ZFYVE28: variants seen among roughly 807,000 people sequenced by gnomAD.
ZFYVE28 encodes lateral signaling target protein 2 homolog.
ZFYVE28 carries 40 observed loss-of-function variants against 82.1 expected under a neutral mutation model. That is an observed-to-expected ratio of 0.49 (90% CI 0.38 to 0.63). The LOEUF (loss-of-function observed/expected upper bound fraction) is 0.63, where lower values mean the gene tolerates loss of function less well. ZFYVE28 is among the 30% of genes least tolerant of loss of function. The pLI, the probability that ZFYVE28 is intolerant of heterozygous loss-of-function variation, is 0.00. For missense variants in ZFYVE28, 1,321 were observed against 1,242.1 expected, an observed-to-expected ratio of 1.06 and a Z score of -0.96; for synonymous variants, 612 against 546.1, an observed-to-expected ratio of 1.12 and a Z score of -1.68.
rs187241152 is a variant in ZFYVE28 at position 2,409,841 on chromosome 4, C to A, written c.39+8444G>T. On this transcript the variant is annotated intron_variant, in intron 1 of 12. Coordinates refer to ENST00000290974, the MANE Select transcript of ZFYVE28 (RefSeq NM_020972.3). This position sits in a 1 kb window ranked among gnomAD's most constrained non-coding sequence, Gnocchi z 4.4. ...CCCAGGACAAGGGCCCTGCCAGCAG[C>A]ACAGGGTGGGAGGAGAGGCTGGGCT... Among the ~76,000 whole-genome samples the A allele has an allele frequency of 9.2e-5, 14 of 152,334 alleles. No individual in the cohort carries two copies. The highest frequency in any genetic ancestry group is 1.5e-5 in the Non-Finnish European group (1 of 68,034).
intron 8 of ZFYVE28, among the ~76,000 whole-genome samples, chr4:2,283,210 A>G (rs917730881): frequency 1.3e-5 from 2 of 150,610 alleles, no homozygotes; most frequent in Admixed American, 6.6e-5. Context: ...CCATGCATCC[A>G]TCCATCCATC....
In ZFYVE28 at chr4:2,300,291, A is replaced by C. The variant is rs13134302; in HGVS notation, c.2051+3998T>G. Among the ~76,000 whole-genome samples, 51,767 of 152,118 alleles carry C rather than the reference A, an allele frequency of 0.34. 10,289 individuals are homozygous for C. The highest frequency in any genetic ancestry group is 0.43 in the Non-Finnish European group (29,345 of 67,982). On this transcript the variant is annotated intron_variant, in intron 8 of 12. Coordinates refer to ENST00000290974, the MANE Select transcript of ZFYVE28 (RefSeq NM_020972.3). The surrounding 1 kb of genome is among the most constrained non-coding windows in gnomAD (Gnocchi z 4.6). ...CAAGTAACTTCCAAGGGTGACTTCG[A>C]GAGGACGGAAGGTTCTGGATCAAAG...
chr4:2,348,070 CA>C (rs1470088305), intron 2 of ZFYVE28, among the ~76,000 whole-genome samples: 1 of 152,032 alleles, frequency 6.6e-6, no homozygotes, highest in Admixed American at 6.6e-5. Flanking sequence ...AAAACTCTAT[CA>C]ACACAGTTCA....
intron 1 of ZFYVE28, among the ~76,000 whole-genome samples, chr4:2,357,875 C>T (rs1198409436): frequency 6.6e-6 from 1 of 152,204 alleles, no homozygotes; most frequent in Admixed American, 6.5e-5. Flanking sequence ...GCACCAAAAA[C>T]CTCACAACAC....
intron 1 of ZFYVE28, among the ~76,000 whole-genome samples, chr4:2,359,491 A>G (rs1340648768): frequency 6.6e-6 from 1 of 152,172 alleles, no homozygotes; most frequent in Non-Finnish European, 1.5e-5. Context: ...CCCTAATCCA[A>G]TATACCTGGT....
chr4:2,304,755 A>G lies in ZFYVE28; in HGVS notation c.1585T>C (p.Ser529Pro). The G allele has an allele frequency of 6.2e-7, 1 of 1,612,652 alleles. No individual in the cohort carries two copies. Residue 529 changes from serine (S) to proline (P), a missense_variant, in exon 8 of 13, where the codon TCT becomes CCT. Physicochemically the swap from Ser to Pro is moderately conservative, Grantham distance 74. Coordinates refer to ENST00000290974, the MANE Select transcript of ZFYVE28 (RefSeq NM_020972.3). ...GCGGCCTCCTGGGTGGCGACCGCAGAGTCCAGGGAAGTGGGCGATTTGGGG... is the reference window on the plus strand; with the variant it reads ...GCGGCCTCCTGGGTGGCGACCGCAGGGTCCAGGGAAGTGGGCGATTTGGGG... Reference protein sequence around the residue: ...FNPKSPTSLDSAVATQEAASE... With the variant: ...FNPKSPTSLDPAVATQEAASE...
chr4:2,297,295 C>T (rs1464557654), intron 8 of ZFYVE28, among the ~76,000 whole-genome samples: 3 of 152,214 alleles, frequency 2.0e-5, no homozygotes, highest in Non-Finnish European at 4.4e-5. Flanking sequence ...GGCAGAGGGT[C>T]AGCAGGCCCG....
intron 1 of ZFYVE28, among the ~76,000 whole-genome samples, chr4:2,414,230 C>T (rs566243085): frequency 6.6e-6 from 1 of 152,264 alleles, no homozygotes; most frequent in African/African-American, 2.4e-5. Context: ...AGCCGAAGGG[C>T]AGGAAGTCCC....
intron 1 of ZFYVE28, among the ~76,000 whole-genome samples, chr4:2,355,203 T>A (rs1343008257): frequency 8.8e-3 from 8 of 912 alleles, no homozygotes; most frequent in Admixed American, 0.017. Flanking sequence ...CTTGAAAATA[T>A]ATATATATAT....
At chr4:2,404,860 T>TC (rs1553867226) in intron 1 of ZFYVE28, among the ~76,000 whole-genome samples, 2,545 of 140,876 alleles carry the variant, frequency 0.018, 25 homozygotes, top group Non-Finnish European at 0.024. Context: ...TCTCGCTCTT[T>TC]TTTTTTTTTT....
At chr4:2,405,007 T>C (rs1039680989) in intron 1 of ZFYVE28, among the ~76,000 whole-genome samples, 2 of 152,116 alleles carry the variant, frequency 1.3e-5, no homozygotes, top group African/African-American at 2.4e-5. Flanking sequence ...GCTGGGATTA[T>C]AGGCGTAGGC....
intron 1 of ZFYVE28, among the ~76,000 whole-genome samples, chr4:2,415,467 C>CACACACACACAG (rs1732942626): frequency 6.6e-6 from 1 of 151,828 alleles, no homozygotes; most frequent in Non-Finnish European, 1.5e-5. Context: ...CACACACACA[C>CACACACACACAG]ACACACACAC....
In ZFYVE28 at chr4:2,394,769, A is replaced by G. The variant is rs538284877; in HGVS notation, c.39+23516T>C. On this transcript the variant is annotated intron_variant, in intron 1 of 12. Transcript: ENST00000290974. This position sits in a 1 kb window ranked among gnomAD's most constrained non-coding sequence, Gnocchi z 4.0. Reference sequence around the variant, plus strand: ...CTGCACGTGTGCGTGCTTCCATTACACTGTCGGCGGTCAGAGGCGTCCTCG... The same window carrying G: ...CTGCACGTGTGCGTGCTTCCATTACGCTGTCGGCGGTCAGAGGCGTCCTCG... Among the ~76,000 whole-genome samples, 2 of 152,160 alleles carry G rather than the reference A, an allele frequency of 1.3e-5. No individual in the cohort carries two copies. Among genetic ancestry groups the G allele is most frequent in the African/African-American group, 4.8e-5 (2 of 41,504 alleles).
chr4:2,351,319 G>A (rs978341269), intron 2 of ZFYVE28, among the ~76,000 whole-genome samples: 2 of 152,246 alleles, frequency 1.3e-5, no homozygotes, highest in African/African-American at 4.8e-5. Context: ...GTAGAAAGTA[G>A]GAAAAACCAT....
chr4:2,276,090 C>G (rs1298753562), intron 8 of ZFYVE28, among the ~76,000 whole-genome samples: 47 of 152,268 alleles, frequency 3.1e-4, no homozygotes, highest in Non-Finnish European at 1.0e-4. Flanking sequence ...GTAAACCCTG[C>G]AGAAGCACAG....
rs528437986 is a variant in ZFYVE28, at chr4:2,316,753, T to C, written c.803+3417A>G. 1.0e-3 allele frequency among the ~76,000 whole-genome samples: 158 copies of C among 150,852 alleles called. 4 individuals carry two copies. The South Asian group carries it at 0.031, about 30-fold the overall frequency. ...TGTAGCCCAGGCTGGAGTGGAGTGGTGCAATCTCGGCTCACTGCAACCTCT... is the reference window on the plus strand; with the variant it reads ...TGTAGCCCAGGCTGGAGTGGAGTGGCGCAATCTCGGCTCACTGCAACCTCT... On this transcript the variant is annotated intron_variant, in intron 7 of 12. Transcript: ENST00000290974.
chr4:2,273,106 C>A lies in ZFYVE28; in HGVS notation c.2323+67G>T, dbSNP rs1337897086. ...CCAGAAGGTGTGGATTTCTGAGCACCCCTCCCTGTGGGCAGGGACACGGCC... is the reference window on the plus strand; with the variant it reads ...CCAGAAGGTGTGGATTTCTGAGCACACCTCCCTGTGGGCAGGGACACGGCC... On this transcript the variant is annotated intron_variant, in intron 10 of 12. Transcript: ENST00000290974. 2.3e-6 allele frequency: 3 copies of A among 1,317,304 alleles called. No homozygotes were observed. Among genetic ancestry groups the A allele is most frequent in the Non-Finnish European group, 2.1e-6 (2 of 933,430 alleles). The allele number at this position is 1,317,304 out of a possible 1,614,324, so 81.6% of individuals were successfully genotyped here.
chr4:2,295,290 T>C (rs987288141), intron 8 of ZFYVE28, among the ~76,000 whole-genome samples: 6 of 151,970 alleles, frequency 3.9e-5, no homozygotes, highest in African/African-American at 1.4e-4. Context: ...GCCTCCCAAG[T>C]AGCTGGGATT....
chr4:2,329,019 CT>C, intron 6 of ZFYVE28: 2 of 670,106 alleles, frequency 3.0e-6, no homozygotes, highest in Non-Finnish European at 5.5e-6. Flanking sequence ...AAGGTTTTGA[CT>C]TGTAGTAAGT....
Sources: allele counts gnomAD v4.1 joint callset (sites outside exome capture counted in the v4.1 genomes callset), GRCh38; gene constraint gnomAD v4.1.1; non-coding constraint Gnocchi (gnomAD v3.1); transcripts MANE v1.5; gene names NCBI Gene and HGNC (gene_info 2026-07-23, HGNC 2026-07-21).